TRIM14: variants seen among roughly 807,000 people sequenced by gnomAD.
TRIM14 encodes the protein tripartite motif-containing protein 14.
TRIM14 carries 28 observed loss-of-function variants against 44.5 expected under a neutral mutation model. The observed-to-expected ratio is 0.63, with a 90% confidence interval of 0.47 to 0.86. The LOEUF (loss-of-function observed/expected upper bound fraction) is 0.86, where lower values mean the gene tolerates loss of function less well. Ranked by LOEUF, TRIM14 falls within the 40% of genes least tolerant of loss-of-function variation. TRIM14 has a pLI of 0.00. For synonymous variants in TRIM14, 299 were observed against 269.2 expected, an observed-to-expected ratio of 1.11 and a Z score of -1.08; for missense variants, 607 against 611.1, an observed-to-expected ratio of 0.99 and a Z score of 0.07.
the TRIM14 span, among the ~76,000 whole-genome samples, chr9:98,053,725 T>C: frequency 5.9e-5 from 9 of 152,052 alleles, no homozygotes; most frequent in African/African-American, 2.2e-4. Flanking sequence ...GTTCCCTTTC[T>C]CTGCAGCTTC....
rs773464513 is a variant in TRIM14, at chr9:98,076,881, C to G, written c.*29-7194G>C. ...CTGTCATAACAACAGTGTTTTTGGA[C>G]AATGGTGAAAAGGAGCTCCCTCTTT... On this transcript the variant is annotated intron_variant, in intron 6 of 6. Coordinates refer to the TRIM14 transcript ENST00000375098. The G allele has an allele frequency of 8.5e-6, 13 of 1,528,070 alleles. No homozygotes were observed. The South Asian group carries it at 1.5e-4, about 18-fold the overall frequency. The allele number at this position is 1,528,070 out of a possible 1,614,324, so 94.7% of individuals were successfully genotyped here.
chr9:98,060,968 A>T, the TRIM14 span: 1 of 1,613,826 alleles, frequency 6.2e-7, no homozygotes, highest in South Asian at 1.1e-5. Flanking sequence ...GGAGGTTGGG[A>T]TCTTCTTCAC....
the TRIM14 span, among the ~76,000 whole-genome samples, chr9:98,040,907 G>A: frequency 1.3e-5 from 2 of 152,132 alleles, no homozygotes; most frequent in East Asian, 3.9e-4. Context: ...CACCCGCCTC[G>A]GCCTCCCAAA....
the TRIM14 span, among the ~76,000 whole-genome samples, chr9:98,061,481 TAAAA>T: frequency 1.3e-5 from 1 of 74,662 alleles, no homozygotes. Flanking sequence ...CATCTCAAAT[TAAAA>T]AAAAAAAAAA....
At chr9:98,056,331 C>A in the TRIM14 span, among the ~76,000 whole-genome samples, 1 of 152,084 alleles carries the variant, frequency 6.6e-6, no homozygotes, top group African/African-American at 2.4e-5. Context: ...TGGTGACTGG[C>A]ATAGGCTGGA....
At chr9:98,078,281 C>T (rs1829683745) in intron 6 of TRIM14, 4 of 1,613,968 alleles carry the variant, frequency 2.5e-6, no homozygotes, top group Admixed American at 1.7e-5. Context: ...ACCCCAACTT[C>T]TGCTTCTTGC....
intron 2 of TRIM14, among the ~76,000 whole-genome samples, chr9:98,105,262 G>C (rs142555573): frequency 6.6e-6 from 1 of 152,262 alleles, no homozygotes; most frequent in Admixed American, 6.5e-5. Flanking sequence ...TCTGGTGCCA[G>C]GCTGGGCCCT....
intron 2 of TRIM14, among the ~76,000 whole-genome samples, chr9:98,104,567 A>C (rs1011919192): frequency 9.2e-5 from 14 of 151,820 alleles, no homozygotes; most frequent in Non-Finnish European, 2.1e-4. Context: ...GAAAGAGAGC[A>C]AGAGAATATC....
Position 98,088,062 on chromosome 9 carries a change from C to T in TRIM14, c.794-57G>A, listed in dbSNP as rs951461789. The T allele has an allele frequency of 4.3e-6, 6 of 1,386,384 alleles. No individual in the cohort carries two copies. In the African/African-American group the frequency reaches 6.1e-5, roughly 14 times the overall value. The allele number at this position is 1,386,384 out of a possible 1,614,324, so 85.9% of individuals were successfully genotyped here. On this transcript the variant is annotated intron_variant, in intron 5 of 5. Coordinates refer to ENST00000341469, the MANE Select transcript of TRIM14 (RefSeq NM_014788.4). ...TGGGCGGGGCCAGCGCGGCGCCCCGCCCCCGGGAACCCACCAACGCACGTG... is the reference window on the plus strand; with the variant it reads ...TGGGCGGGGCCAGCGCGGCGCCCCGTCCCCGGGAACCCACCAACGCACGTG...
At chr9:98,070,020 G>C (rs1829266661) in intron 6 of TRIM14, among the ~76,000 whole-genome samples, 1 of 152,190 alleles carries the variant, frequency 6.6e-6, no homozygotes, top group African/African-American at 2.4e-5. Flanking sequence ...TGGGGGAAGA[G>C]TATATAGTAT....
intron 1 of TRIM14, among the ~76,000 whole-genome samples, chr9:98,117,461 C>G (rs1827096340): frequency 6.6e-6 from 1 of 152,166 alleles, no homozygotes; most frequent in South Asian, 2.1e-4. Context: ...CCACACCTGG[C>G]TGATTTTCAT....
At position 98,087,263 on chromosome 9, in the gene TRIM14, G is replaced by T; in HGVS notation, c.*207C>A. ...GGTGCGGAGGTCTGATGAGAGGGCA[G>T]CAGCAGACTTGTTTAGGGCCTGTTT... On this transcript the variant is annotated 3_prime_UTR_variant, in exon 6 of 6. Coordinates refer to ENST00000341469, the MANE Select transcript of TRIM14 (RefSeq NM_014788.4). 2.4e-6 allele frequency: 2 copies of T among 833,640 alleles called. No individual in the cohort carries two copies. Among genetic ancestry groups the T allele is most frequent in the Non-Finnish European group, 4.3e-6 (2 of 467,794 alleles). The allele number at this position is 833,640 out of a possible 1,614,324, so 51.6% of individuals were successfully genotyped here.
At chr9:98,110,340 T>C (rs1333134776) in intron 1 of TRIM14, 4 of 275,194 alleles carry the variant, frequency 1.5e-5, no homozygotes, top group Non-Finnish European at 2.1e-5. Context: ...GAGTATTAAC[T>C]GAGCACCTAT....
At chr9:98,076,008 T>C (rs1829574382) in intron 6 of TRIM14, 1 of 152,110 alleles carries the variant, frequency 6.6e-6, no homozygotes. Context: ...AGAAGGATGT[T>C]GAAGAGCACT....
At chr9:98,076,538 C>G (rs1829600643) in intron 6 of TRIM14, 1 of 194,030 alleles carries the variant, frequency 5.2e-6, no homozygotes, top group African/African-American at 2.4e-5. Context: ...CCACACCCGG[C>G]TAATTTTTAT....
intron 4 of TRIM14, among the ~76,000 whole-genome samples, chr9:98,094,661 G>A (rs1223401108): frequency 2.0e-5 from 3 of 152,214 alleles, no homozygotes; most frequent in Non-Finnish European, 4.4e-5. Flanking sequence ...CAGTGTGACT[G>A]GAGAAGGGCA....
intron 1 of TRIM14, 40 bp downstream of exon 1, chr9:98,118,942 C>CAGCCA (rs1477705016): frequency 6.8e-7 from 1 of 1,463,554 alleles, no homozygotes; most frequent in East Asian, 2.8e-5. Context: ...GCTGGCTCCC[C>CAGCCA]CAACTCCCGC....
the TRIM14 span, among the ~76,000 whole-genome samples, chr9:98,052,647 A>G: frequency 6.6e-6 from 1 of 152,168 alleles, no homozygotes; most frequent in South Asian, 2.1e-4. Context: ...AGCTGGGATT[A>G]CAGGCGTGTG....
At position 98,094,829 on chromosome 9, in the gene TRIM14, G is replaced by A. The variant is rs746458430; in HGVS notation, c.700+38C>T. The A allele has an allele frequency of 5.0e-6, 8 of 1,601,638 alleles. No homozygotes were observed. In the African/African-American group the frequency reaches 8.0e-5, roughly 16 times the overall value. ...CGTCTCTGGGCTAAAGGACACTAGG[G>A]GAGTTAAGGACACAAAGTTGGTCAC... On this transcript the variant is annotated intron_variant, in intron 4 of 5. Coordinates refer to ENST00000341469, the MANE Select transcript of TRIM14 (RefSeq NM_014788.4).
Sources: allele counts gnomAD v4.1 joint callset (sites outside exome capture counted in the v4.1 genomes callset), GRCh38; gene constraint gnomAD v4.1.1; transcripts MANE v1.5; gene names NCBI Gene and HGNC (gene_info 2026-07-23, HGNC 2026-07-21).